Variants in RTN3 observed in about 807,000 individuals in gnomAD.
RTN3 encodes reticulon 3.
RTN3 carries 49 observed loss-of-function variants against 77.8 expected under a neutral mutation model. The observed-to-expected ratio is 0.63, with a 90% CI of 0.50 to 0.80. RTN3 has a LOEUF of 0.80. Among genes scored for constraint, RTN3 ranks in the 30% least tolerant of loss-of-function variants. The pLI, the probability that RTN3 is intolerant of heterozygous loss-of-function variation, is 0.00. For synonymous variants in RTN3, 464 were observed against 446.9 expected (o/e 1.04, Z -0.48); for missense variants, 1,236 against 1,211.9 (o/e 1.02, Z -0.29).
intron 2 of RTN3, chr11:63,714,045 G>A (rs2011252528): frequency 1.9e-6 from 1 of 518,416 alleles, no homozygotes; most frequent in Non-Finnish European, 3.9e-6. Context: ...TATCGGAGCT[G>A]TTCTAAAAGG....
intron 1 of RTN3, among the ~76,000 whole-genome samples, chr11:63,696,637 C>T (rs1226887740): frequency 7.3e-5 from 11 of 149,660 alleles, no homozygotes; most frequent in Admixed American, 1.3e-4. Flanking sequence ...CCTCCACCTC[C>T]CGGGTTCAAG....
chr11:63,702,153 G>A (rs1176594112), intron 1 of RTN3, among the ~76,000 whole-genome samples: 1 of 151,974 alleles, frequency 6.6e-6, no homozygotes, highest in Non-Finnish European at 1.5e-5. Flanking sequence ...AGATAAAAGG[G>A]AGTTAATATG....
intron 3 of RTN3, among the ~76,000 whole-genome samples, chr11:63,741,257 C>T (rs2013458584): frequency 6.6e-6 from 1 of 150,544 alleles, no homozygotes; most frequent in South Asian, 2.1e-4. Context: ...GGCTGCAGTG[C>T]TGTGGCTTGA....
Position 63,704,908 on chromosome 11 carries a change from G to A in RTN3, c.199+1G>A. ...GTATCTCTATTTTCGACCTCACAAG[G>A]CAAGTCTGTAATTTTTTTGTGTGCA... On this transcript the variant is annotated splice_donor_variant, in intron 2 of 8. Coordinates refer to ENST00000377819, the MANE Select transcript of RTN3 (RefSeq NM_001265589.2). LOFTEE classifies it high-confidence loss of function. 1 of 1,608,692 alleles carries A rather than the reference G, an allele frequency of 6.2e-7. No individual in the cohort carries two copies. Among genetic ancestry groups the A allele is most frequent in the Non-Finnish European group, 8.5e-7 (1 of 1,175,640 alleles).
In RTN3 at chr11:63,720,743, T is replaced by A. The variant is rs1355155457; in HGVS notation, c.2241T>A (p.Ala747=). 3 of 1,614,150 alleles carry A rather than the reference T, an allele frequency of 1.9e-6. No homozygotes were observed. Among genetic ancestry groups the A allele is most frequent in the Admixed American group, 3.3e-5 (2 of 60,014 alleles). The change falls in exon 3 of 9, where the codon GCT becomes GCA. Residue 747 remains alanine, a synonymous_variant. Coordinates refer to ENST00000377819, the MANE Select transcript of RTN3 (RefSeq NM_001265589.2). ...DLEQEQLTIK[A]LKELGERQVE... is the part of the protein sequence containing the mutation. ...AACAAGAACAGCTCACAATTAAGGCTCTTAAAGAATTAGGTGAAAGACAGG... is the reference window on the plus strand; with the variant it reads ...AACAAGAACAGCTCACAATTAAGGCACTTAAAGAATTAGGTGAAAGACAGG...
intron 4 of RTN3, among the ~76,000 whole-genome samples, chr11:63,750,716 T>G (rs1354108896): frequency 6.6e-6 from 1 of 150,596 alleles, no homozygotes; most frequent in Non-Finnish European, 1.5e-5. Flanking sequence ...CCTCCCAAAG[T>G]GCTGTTTTTT....
intron 1 of RTN3, among the ~76,000 whole-genome samples, chr11:63,691,999 G>C (rs1297510063): frequency 1.3e-5 from 2 of 152,024 alleles, no homozygotes; most frequent in South Asian, 4.2e-4. Context: ...TGTAATATCT[G>C]GCCTCAACCT....
At chr11:63,707,344 T>C (rs998951653) in intron 2 of RTN3, among the ~76,000 whole-genome samples, 1 of 152,072 alleles carries the variant, frequency 6.6e-6, no homozygotes, top group Non-Finnish European at 1.5e-5. Context: ...TTAACAACAC[T>C]TACATGTACA....
intron 1 of RTN3, 44 bp downstream of exon 1, chr11:63,681,822 G>C (rs748926967): frequency 6.7e-7 from 1 of 1,490,790 alleles, no homozygotes; most frequent in African/African-American, 1.4e-5. Context: ...GAGGGCGAGC[G>C]GGAGCCTGGG....
At chr11:63,710,160 A>G (rs1942681380) in intron 2 of RTN3, among the ~76,000 whole-genome samples, 1 of 152,172 alleles carries the variant, frequency 6.6e-6, no homozygotes, top group Admixed American at 6.5e-5. Context: ...AGGGTTTTCA[A>G]TTCAAATGTA....
Position 63,719,320 on chromosome 11 carries a change from G to A in RTN3, c.818G>A (p.Gly273Asp), listed in dbSNP as rs1212483685. 2 of 1,614,146 alleles carry A rather than the reference G, an allele frequency of 1.2e-6. No homozygotes were observed. Among genetic ancestry groups the A allele is most frequent in the Admixed American group, 1.7e-5 (1 of 60,016 alleles). Residue 273 changes from glycine to aspartate, a missense_variant, in exon 3 of 9, where the codon GGT (glycine) becomes GAT (aspartate). Gly to Asp is a moderately conservative substitution (Grantham distance 94). Around this residue, in one of 3 missense-constraint regions of RTN3, gnomAD observed 1,056 missense variants for 990.4 expected, o/e 1.07. Transcript: ENST00000377819. ...TATAAGGAGAGCACAGATGATTTTG[G>A]TAGCTGGTCTGTGCACACTGATAAA... ...DSYKESTDDF[G>D]SWSVHTDKES...
At chr11:63,695,817 G>C (rs1383934417) in intron 1 of RTN3, among the ~76,000 whole-genome samples, 1 of 152,110 alleles carries the variant, frequency 6.6e-6, no homozygotes, top group Non-Finnish European at 1.5e-5. Flanking sequence ...AATGTGATAT[G>C]GTATCCTGGA....
chr11:63,725,669 G>A (rs2012207670), intron 3 of RTN3, among the ~76,000 whole-genome samples: 1 of 152,082 alleles, frequency 6.6e-6, no homozygotes, highest in Non-Finnish European at 1.5e-5. Flanking sequence ...AGCCAGGATG[G>A]TCTCAATCTC....
intron 2 of RTN3, among the ~76,000 whole-genome samples, chr11:63,709,587 A>T (rs574101206): frequency 4.4e-4 from 66 of 150,522 alleles, no homozygotes; most frequent in South Asian, 2.3e-3. Context: ...CTTTTTTTAA[A>T]AAAAAAAAAA....
At chr11:63,725,738 C>G (rs1329242008) in intron 3 of RTN3, among the ~76,000 whole-genome samples, 2 of 152,200 alleles carry the variant, frequency 1.3e-5, no homozygotes, top group African/African-American at 4.8e-5. Flanking sequence ...AGGCATGAGC[C>G]ACCGCGCCCG....
Position 63,719,508 on chromosome 11 carries a change from A to G in RTN3, c.1006A>G (p.Thr336Ala), listed in dbSNP as rs369922424. The G allele has an allele frequency of 8.7e-6, 14 of 1,614,100 alleles. No individual in the cohort carries two copies. Among genetic ancestry groups the G allele is most frequent in the Non-Finnish European group, 1.2e-5 (14 of 1,180,056 alleles). Residue 336 changes from threonine to alanine, a missense_variant, in exon 3 of 9, where the codon ACT becomes GCT. This residue lies in a region of RTN3 where 1,056 missense variants were observed against 990.4 expected (regional missense o/e 1.07). Transcript: ENST00000377819. ...ATGCGTGAATGATATGCATAACTTT[A>G]CTAACGAAATACTGACTTGGGATCT... ...SRCVNDMHNF[T>A]NEILTWDLVP...
In RTN3 at chr11:63,719,421, A is replaced by G. The variant is rs138926393; in HGVS notation, c.919A>G (p.Met307Val). Residue 307 changes from methionine to valine, a missense_variant, in exon 3 of 9, where the codon ATG becomes GTG. Met to Val is a conservative substitution (Grantham distance 21). This residue lies in a region of RTN3 where 1,056 missense variants were observed against 990.4 expected (regional missense o/e 1.07). Transcript: ENST00000377819. ...LRNKEAGRYP[M>V]SALLSRQFSH... is the part of the protein sequence containing the mutation. The stretch of plus-strand genomic sequence containing the variant: ...AAATAAAGAGGCAGGACGTTACCCA[A>G]TGTCTGCATTGCTCAGTAGGCAGTT... 9.7e-5 allele frequency: 156 copies of G among 1,614,158 alleles called. No individual in the cohort carries two copies. The highest frequency in any genetic ancestry group is 6.7e-4 in the African/African-American group (50 of 75,048).
chr11:63,681,618 C>A lies in RTN3; in HGVS notation c.-19C>A. 6.3e-7 allele frequency: 1 copy of A among 1,578,038 alleles called. No homozygotes were observed. The highest frequency in any genetic ancestry group is 1.9e-5 in the Admixed American group (1 of 53,256). On this transcript the variant is annotated 5_prime_UTR_variant, in exon 1 of 9. Coordinates refer to ENST00000377819, the MANE Select transcript of RTN3 (RefSeq NM_001265589.2). ...CCCGTATCTCTTTTCACCCTTCTCC[C>A]ACCCTCGCTCGCGTAGCCATGGCGG...
In RTN3 at chr11:63,719,580, A is replaced by G. The variant is rs2011607823; in HGVS notation, c.1078A>G (p.Thr360Ala). 6.2e-7 allele frequency: 1 copy of G among 1,614,040 alleles called. No individual in the cohort carries two copies. Among genetic ancestry groups the G allele is most frequent in the Non-Finnish European group, 8.5e-7 (1 of 1,180,046 alleles). The change falls in exon 3 of 9, where the codon ACA becomes GCA. Residue 360 changes from threonine to alanine, a missense_variant. Around this residue, in one of 3 missense-constraint regions of RTN3, gnomAD observed 1,056 missense variants for 990.4 expected, o/e 1.07. Transcript: ENST00000377819. Reference protein sequence around the residue: ...QQTDKSSDCITKTTGLDMSEY... With the variant: ...QQTDKSSDCIAKTTGLDMSEY... ...GACCGATAAATCTTCTGACTGCATC[A>G]CAAAAACTACAGGACTTGACATGAG...
Sources: allele counts gnomAD v4.1 joint callset (sites outside exome capture counted in the v4.1 genomes callset), GRCh38; gene constraint gnomAD v4.1.1; regional missense constraint gnomAD v4.1.1; transcripts MANE v1.5; gene names NCBI Gene and HGNC (gene_info 2026-07-23, HGNC 2026-07-21).